Variants in STK10 observed in about 807,000 individuals in gnomAD.
STK10 encodes the protein serine/threonine-protein kinase 10.
A neutral mutation model predicts 113.8 loss-of-function variants in STK10; 78 were observed. The observed-to-expected ratio is 0.69, with a 90% CI of 0.57 to 0.83. The LOEUF (loss-of-function observed/expected upper bound fraction) is 0.83, where lower values mean the gene tolerates loss of function less well. Ranked by LOEUF, STK10 falls within the 40% of genes least tolerant of loss-of-function variation. The pLI is 0.00. For missense variants in STK10, 1,109 were observed against 1,280.1 expected (o/e 0.87, Z 2.04); for synonymous variants, 465 against 494.7 (o/e 0.94, Z 0.80).
chr5:172,042,525 A>C lies in STK10; in HGVS notation c.*2357T>G, dbSNP rs763122151. The C allele has an allele frequency of 2.0e-5, 3 of 152,438 alleles. No individual in the cohort carries two copies. The highest frequency in any genetic ancestry group is 4.4e-5 in the Non-Finnish European group (3 of 68,038). The allele number at this position is 152,438 out of a possible 1,614,324, so 9.4% of individuals were successfully genotyped here. A position where few individuals can be genotyped will look rare whatever the true frequency, so the allele number is the denominator to read the frequency against. On this transcript the variant is annotated 3_prime_UTR_variant, in exon 19 of 19. Transcript: ENST00000176763. Reference sequence around the variant, plus strand: ...ACCTGAACCATGAAACTGGCATTTCACCTAATACTTTCTCACACGCCAGGC... The same window carrying C: ...ACCTGAACCATGAAACTGGCATTTCCCCTAATACTTTCTCACACGCCAGGC...
At chr5:172,106,856 T>C in intron 5 of STK10, 42 bp from the exon 6 acceptor site, 2 of 1,567,686 alleles carry the variant, frequency 1.3e-6, no homozygotes, top group Non-Finnish European at 1.7e-6. Context: ...GAATCTGGCC[T>C]TTACAGGTGC....
chr5:172,115,885 G>C (rs1769373393), intron 4 of STK10, among the ~76,000 whole-genome samples: 1 of 152,204 alleles, frequency 6.6e-6, no homozygotes, highest in Non-Finnish European at 1.5e-5. Flanking sequence ...TGCTGGGCTG[G>C]GTGAAGGCAG....
chr5:172,084,207 G>C (rs1206937469), intron 10 of STK10, among the ~76,000 whole-genome samples: 1 of 151,940 alleles, frequency 6.6e-6, no homozygotes, highest in Non-Finnish European at 1.5e-5. Context: ...TTCAAGACCA[G>C]CCTGACCAAC....
intron 1 of STK10, among the ~76,000 whole-genome samples, chr5:172,174,889 C>G (rs1443724893): frequency 6.6e-6 from 1 of 152,230 alleles, no homozygotes; most frequent in African/African-American, 2.4e-5. Context: ...CTGACCCAGG[C>G]TGGCTGGAGT....
chr5:172,166,013 G>A (rs1332497129), intron 1 of STK10, among the ~76,000 whole-genome samples: 2 of 152,138 alleles, frequency 1.3e-5, no homozygotes, highest in African/African-American at 2.4e-5. Flanking sequence ...GGCTGGTCTC[G>A]AACTCCCGAC....
chr5:172,089,210 A>G (rs1204366299), intron 10 of STK10, among the ~76,000 whole-genome samples: 1 of 152,118 alleles, frequency 6.6e-6, no homozygotes, highest in Non-Finnish European at 1.5e-5. Context: ...CTTCCCTTGG[A>G]GCAGCCTCCC....
chr5:172,053,720 A>C (rs535374857), intron 17 of STK10, among the ~76,000 whole-genome samples: 24 of 152,368 alleles, frequency 1.6e-4, no homozygotes, highest in African/African-American at 5.0e-4. Flanking sequence ...ACTGGGTTGG[A>C]AAAGTAGAAT....
intron 4 of STK10, among the ~76,000 whole-genome samples, chr5:172,116,671 C>T (rs945686615): frequency 6.6e-6 from 1 of 151,176 alleles, no homozygotes; most frequent in African/African-American, 2.4e-5. Flanking sequence ...AACTCGAGAC[C>T]AGCCTGGCCA....
intron 1 of STK10, among the ~76,000 whole-genome samples, chr5:172,186,240 C>T (rs1210285344): frequency 6.6e-6 from 1 of 152,084 alleles, no homozygotes; most frequent in East Asian, 1.9e-4. Flanking sequence ...CAAACCACCG[C>T]ACTCCAGCTT....
intron 12 of STK10, among the ~76,000 whole-genome samples, chr5:172,073,991 C>A (rs1009399075): frequency 6.7e-6 from 1 of 149,200 alleles, no homozygotes; most frequent in African/African-American, 2.5e-5. Context: ...AATAATAATT[C>A]GAATATAAAT....
intron 2 of STK10, among the ~76,000 whole-genome samples, chr5:172,130,144 C>T (rs1769718442): frequency 1.3e-5 from 2 of 152,144 alleles, no homozygotes; most frequent in African/African-American, 4.8e-5. Flanking sequence ...ATCTGTATGG[C>T]CTTGGACAAC....
chr5:172,162,066 C>T (rs572499311), intron 1 of STK10, among the ~76,000 whole-genome samples: 50 of 152,244 alleles, frequency 3.3e-4, no homozygotes, highest in African/African-American at 1.1e-3. Context: ...TTAGGCCGGG[C>T]GCAGTGGCTC....
intron 2 of STK10, among the ~76,000 whole-genome samples, chr5:172,143,132 C>T (rs1278351868): frequency 1.3e-5 from 2 of 152,186 alleles, no homozygotes; most frequent in Non-Finnish European, 1.5e-5. Context: ...AAACCGAGTG[C>T]TAGGCGCAGT....
intron 2 of STK10, among the ~76,000 whole-genome samples, chr5:172,139,728 T>A (rs1256581306): frequency 1.3e-5 from 2 of 151,420 alleles, no homozygotes; most frequent in East Asian, 3.9e-4. Context: ...AGTGTTAAAC[T>A]TAAAAAAGGA....
chr5:172,105,930 C>G (rs1441457818), intron 6 of STK10, among the ~76,000 whole-genome samples, 193 bp from the exon 7 acceptor site: 1 of 152,190 alleles, frequency 6.6e-6, no homozygotes. Context: ...ACCCAGACAT[C>G]GGCGAGGAGC....
chr5:172,148,822 T>C (rs1460435305), intron 2 of STK10, among the ~76,000 whole-genome samples: 1 of 152,198 alleles, frequency 6.6e-6, no homozygotes, highest in Non-Finnish European at 1.5e-5. Flanking sequence ...GGCTCTGACA[T>C]GTGGGACGAG....
chr5:172,170,120 TCC>T (rs1339873787), intron 1 of STK10, among the ~76,000 whole-genome samples: 1,470 of 135,950 alleles, frequency 0.011, 30 homozygotes, highest in African/African-American at 0.049. Context: ...TCAGTATGTA[TCC>T]TTTTTTTTTT....
chr5:172,087,346 C>T (rs1233163081), intron 10 of STK10, among the ~76,000 whole-genome samples: 2 of 151,900 alleles, frequency 1.3e-5, no homozygotes, highest in African/African-American at 2.4e-5. Context: ...ACAATCTCGG[C>T]TCACTGCAAC....
At chr5:172,064,896 G>T in intron 12 of STK10, 84 bp from the exon 13 acceptor site, 2 of 1,476,224 alleles carry the variant, frequency 1.4e-6, no homozygotes, top group Non-Finnish European at 9.3e-7. Context: ...GAACCCCCGG[G>T]CCAGAGAAAC....
Sources: gnomAD v4.1 joint callset for allele counts (sites outside exome capture counted in the v4.1 genomes callset) on GRCh38, gnomAD v4.1.1 for gene constraint, MANE v1.5 for transcripts, NCBI Gene and HGNC (gene_info 2026-07-23, HGNC 2026-07-21) for gene names.